The following KANSL1 variants were observed in gnomAD, a reference collection of about 807,000 sequenced individuals.
The protein encoded by KANSL1 is MLL1/MLL complex subunit KANSL1.
KANSL1 carries 22 observed loss-of-function variants against 103.6 expected under a neutral mutation model. The ratio of observed to expected loss-of-function variants is 0.21; its 90% CI spans 0.15 to 0.30. The LOEUF is 0.30. Ranked by LOEUF, KANSL1 falls within the 10% of genes least tolerant of loss-of-function variation. The pLI is 1.00. For missense variants in KANSL1, 1,337 were observed against 1,399.8 expected (o/e 0.96, Z 0.72); for synonymous variants, 600 against 527.6 (o/e 1.14, Z -1.88).
In KANSL1 at chr17:46,125,029, GAGGT is replaced by G. The variant is rs1249506961; in HGVS notation, c.1290-30332_1290-30329del. Among the ~76,000 whole-genome samples the G allele has an allele frequency of 2.0e-4, 22 of 111,958 alleles. 1 individual carries two copies. The highest frequency in any genetic ancestry group is 3.2e-4 in the Non-Finnish European group (16 of 50,558). 73.4% of individuals were successfully genotyped at this position (111,958 alleles called of 152,430 possible). A position where few individuals can be genotyped will look rare whatever the true frequency, so the allele number is the denominator to read the frequency against. ...AAAGGGAAGGGAAGGGAAGGGAGGGGAGGTAGGGAGGGAGGGAGGAGGGAGGGAG... is the reference window on the plus strand; with the variant it reads ...AAAGGGAAGGGAAGGGAAGGGAGGGGAGGGAGGGAGGGAGGAGGGAGGGAG... On this transcript the variant is annotated intron_variant, in intron 2 of 14. Transcript: ENST00000432791.
At chr17:46,176,872 G>C (rs954381619) in intron 1 of KANSL1, among the ~76,000 whole-genome samples, 5 of 152,088 alleles carry the variant, frequency 3.3e-5, no homozygotes, top group African/African-American at 1.2e-4. Context: ...TCTAAGTAAG[G>C]GGGTGGGGGA....
At chr17:46,081,541 G>A (rs2078988946) in intron 4 of KANSL1, among the ~76,000 whole-genome samples, 1 of 152,152 alleles carries the variant, frequency 6.6e-6, no homozygotes, top group Non-Finnish European at 1.5e-5. Context: ...AACAGTGGCT[G>A]GCTTTCAAAA....
chr17:46,133,227 C>A (rs1191873220), intron 2 of KANSL1, among the ~76,000 whole-genome samples: 8 of 152,184 alleles, frequency 5.3e-5, no homozygotes, highest in Non-Finnish European at 1.2e-4. Context: ...TGATCCCAAA[C>A]CCTTACTGAA....
chr17:46,051,970 G>A (rs1219569150), intron 6 of KANSL1, among the ~76,000 whole-genome samples: 4 of 152,142 alleles, frequency 2.6e-5, no homozygotes, highest in Non-Finnish European at 4.4e-5. Flanking sequence ...GCCACTGAAA[G>A]GGAGTGATAC....
chr17:46,034,405 A>G, intron 10 of KANSL1, 120 bp from the exon 11 acceptor site: 1 of 1,061,886 alleles, frequency 9.4e-7, no homozygotes, highest in Non-Finnish European at 1.4e-6. Context: ...GTTGAAGCTG[A>G]GTAATGACCA....
intron 2 of KANSL1, among the ~76,000 whole-genome samples, chr17:46,099,815 T>C (rs1402077150): frequency 3.9e-5 from 6 of 152,268 alleles, no homozygotes; most frequent in Non-Finnish European, 5.9e-5. Context: ...TCAACTCGTA[T>C]TTTGCTCATT....
intron 4 of KANSL1, among the ~76,000 whole-genome samples, chr17:46,069,108 T>C (rs1349983845): frequency 1.3e-5 from 2 of 152,052 alleles, no homozygotes; most frequent in African/African-American, 2.4e-5. Context: ...GTATTTTTAG[T>C]AGAGATGGGG....
intron 4 of KANSL1, among the ~76,000 whole-genome samples, chr17:46,068,095 C>G (rs966163274): frequency 5.3e-5 from 8 of 152,104 alleles, no homozygotes; most frequent in African/African-American, 1.9e-4. Context: ...TTCTATGGAA[C>G]AGAAGCTTAG....
chr17:46,190,106 A>T (rs1043214136), intron 1 of KANSL1, among the ~76,000 whole-genome samples: 2 of 152,248 alleles, frequency 1.3e-5, no homozygotes, highest in Non-Finnish European at 2.9e-5. Flanking sequence ...AAATGCAATT[A>T]AAACCTGTGG....
chr17:46,047,562 G>A (rs1302064348), intron 7 of KANSL1, among the ~76,000 whole-genome samples: 2 of 152,086 alleles, frequency 1.3e-5, no homozygotes, highest in African/African-American at 4.8e-5. Context: ...CAAGATGGGT[G>A]GATCACTTGA....
At chr17:46,213,324 G>A (rs7210373) in intron 1 of KANSL1, among the ~76,000 whole-genome samples, 4,339 of 152,150 alleles carry the variant, frequency 0.029, 222 homozygotes, top group African/African-American at 0.099. Context: ...TTTTTGAGAC[G>A]GAGTCTCGCT....
chr17:46,208,616 CAAAAAAAA>C (rs149187563), intron 1 of KANSL1, among the ~76,000 whole-genome samples: 1 of 81,218 alleles, frequency 1.2e-5, no homozygotes. Context: ...GACCCTGTCT[CAAAAAAAA>C]AAAAAAAAAA....
At chr17:46,067,227 T>C (rs566483692) in intron 5 of KANSL1, among the ~76,000 whole-genome samples, 4 of 152,306 alleles carry the variant, frequency 2.6e-5, no homozygotes, top group East Asian at 1.9e-4. Context: ...AACATAGCCC[T>C]TGGAGATCTA....
chr17:46,191,147 C>T (rs1362508253), intron 1 of KANSL1, among the ~76,000 whole-genome samples: 2 of 151,906 alleles, frequency 1.3e-5, no homozygotes, highest in Non-Finnish European at 2.9e-5. Flanking sequence ...AGGAGTTTAC[C>T]CAATTATGGG....
chr17:46,056,590 G>C (rs549960796), intron 6 of KANSL1, among the ~76,000 whole-genome samples: 206 of 113,000 alleles, frequency 1.8e-3, no homozygotes, highest in Non-Finnish European at 4.2e-3. Context: ...GCTACTGATA[G>C]AACATTTACC....
Position 46,141,420 on chromosome 17 carries a change from T to C in KANSL1, c.1289+29435A>G, listed in dbSNP as rs1463675869. On this transcript the variant is annotated intron_variant, in intron 2 of 14. Transcript: ENST00000432791. ...CTCTTTCCTCAAGGTTGTCTACACA[T>C]CTAAATCAACTTCACTGGGGGAGCA... Among the ~76,000 whole-genome samples, 4 of 152,210 alleles carry C rather than the reference T, an allele frequency of 2.6e-5. No homozygotes were observed. The South Asian group carries it at 6.2e-4, about 24-fold the overall frequency.
At chr17:46,039,340 C>A in intron 8 of KANSL1, 125 bp from the exon 9 acceptor site, 4 of 879,658 alleles carry the variant, frequency 4.5e-6, no homozygotes, top group Non-Finnish European at 6.6e-6. Flanking sequence ...GACAGTCCTT[C>A]AGGACTGAAG....
At chr17:46,141,877 G>T (rs908024230) in intron 2 of KANSL1, among the ~76,000 whole-genome samples, 2 of 152,134 alleles carry the variant, frequency 1.3e-5, no homozygotes, top group Admixed American at 6.5e-5. Flanking sequence ...GAATTAAAAG[G>T]GTAGTTTCTT....
At chr17:46,212,073 C>T (rs2048183835) in intron 1 of KANSL1, among the ~76,000 whole-genome samples, 1 of 152,166 alleles carries the variant, frequency 6.6e-6, no homozygotes, top group Non-Finnish European at 1.5e-5. Context: ...CATTCTTTTA[C>T]CTCAGTATGT....
Sources: allele counts gnomAD v4.1 joint callset (sites outside exome capture counted in the v4.1 genomes callset), GRCh38; gene constraint gnomAD v4.1.1; transcripts MANE v1.5; gene names NCBI Gene and HGNC (gene_info 2026-07-23, HGNC 2026-07-21).